STIP1: variants seen among roughly 807,000 people sequenced by gnomAD.
STIP1 encodes the protein stress induced phosphoprotein 1, also known as stress-induced-phosphoprotein 1.
STIP1 carries 16 observed loss-of-function variants against 77.4 expected under a neutral mutation model. The ratio of observed to expected loss-of-function variants is 0.21; its 90% CI spans 0.14 to 0.31. The LOEUF (loss-of-function observed/expected upper bound fraction) is 0.31, where lower values mean the gene tolerates loss of function less well. STIP1 is among the 10% of genes least tolerant of loss of function. STIP1 has a pLI of 1.00. For missense variants in STIP1, 524 were observed against 684.8 expected (o/e 0.77, Z 2.62); for synonymous variants, 258 against 246.6 (o/e 1.05, Z -0.44).
At chr11:64,202,369 A>G (rs7102415) in intron 10 of STIP1, 18,308 of 142,170 alleles carry the variant, frequency 0.13, 3,119 homozygotes, top group African/African-American at 0.39. Flanking sequence ...AGTAGCTGGG[A>G]TTATTACAGG....
chr11:64,197,185 C>A (rs2236648), intron 5 of STIP1, 86 bp from the exon 6 acceptor site: 1 of 1,559,284 alleles, frequency 6.4e-7, no homozygotes, highest in Non-Finnish European at 8.7e-7. Flanking sequence ...ATGTTAGTTG[C>A]ATTTCAGAAC....
At chr11:64,192,931 TTAAA>T (rs1946108726) in intron 1 of STIP1, 143 bp from the exon 2 acceptor site, 11 of 799,996 alleles carry the variant, frequency 1.4e-5, no homozygotes, top group Admixed American at 1.1e-4. Flanking sequence ...GTGTGAGAAA[TTAAA>T]TAAATGAACC....
At chr11:64,202,762 C>T in intron 10 of STIP1, 114 bp from the exon 11 acceptor site, 1 of 1,147,708 alleles carries the variant, frequency 8.7e-7, no homozygotes, top group Non-Finnish European at 1.3e-6. Context: ...TGATGTTGTC[C>T]CCTCTGTTTG....
Position 64,199,931 on chromosome 11 carries a change from GT to G in STIP1, c.1024-5del. Reference sequence around the variant, plus strand: ...TTTAAATTATTATTTCAAGAATTATGTTTTGTAGGCAGAGAAAATCCTGAAG... The same window carrying G: ...TTTAAATTATTATTTCAAGAATTATGTTTGTAGGCAGAGAAAATCCTGAAG... On this transcript the variant is annotated splice_region_variant and splice_polypyrimidine_tract_variant and intron_variant, in intron 8 of 13. Transcript: ENST00000305218. 6.2e-7 allele frequency: 1 copy of G among 1,613,978 alleles called. No individual in the cohort carries two copies. Among genetic ancestry groups the G allele is most frequent in the South Asian group, 1.1e-5 (1 of 91,064 alleles).
chr11:64,196,395 CAAAAAAAAA>C (rs57497154), intron 5 of STIP1, among the ~76,000 whole-genome samples: 1 of 69,600 alleles, frequency 1.4e-5, no homozygotes, highest in Non-Finnish European at 2.6e-5. Flanking sequence ...GACTCCATCT[CAAAAAAAAA>C]AAAAAAAAAA....
In STIP1 at chr11:64,203,114, C is replaced by G; in HGVS notation, c.1283-11C>G. On this transcript the variant is annotated splice_polypyrimidine_tract_variant and intron_variant, in intron 11 of 13. Coordinates refer to ENST00000305218, the MANE Select transcript of STIP1 (RefSeq NM_006819.3). Reference sequence around the variant, plus strand: ...TGCGGTTGGATAACGCGCCACCTTTCCTGTTTGTAGTCAAGGGTTATACAC... The same window carrying G: ...TGCGGTTGGATAACGCGCCACCTTTGCTGTTTGTAGTCAAGGGTTATACAC... 1 of 1,614,146 alleles carries G rather than the reference C, an allele frequency of 6.2e-7. No homozygotes were observed. Among genetic ancestry groups the G allele is most frequent in the Non-Finnish European group, 8.5e-7 (1 of 1,180,004 alleles).
intron 13 of STIP1, 186 bp from the exon 14 acceptor site, chr11:64,203,868 G>A: frequency 1.3e-6 from 1 of 799,672 alleles, no homozygotes. Context: ...CTGTGTCGTG[G>A]GCTCAAGAGT....
chr11:64,185,643 C>T (rs1353461350), upstream of STIP1: 3 of 798,834 alleles, frequency 3.8e-6, no homozygotes, highest in Non-Finnish European at 5.7e-6. Context: ...GGGAAAGCAA[C>T]CCAGAGGCCC....
At chr11:64,198,607 A>G (rs1946177243) in intron 8 of STIP1, among the ~76,000 whole-genome samples, 1 of 152,022 alleles carries the variant, frequency 6.6e-6, no homozygotes, top group Non-Finnish European at 1.5e-5. Flanking sequence ...TCAGCCTCCC[A>G]AAGTGCTGGA....
At position 64,194,579 on chromosome 11, in the gene STIP1, G is replaced by C. The variant is rs1440819185; in HGVS notation, c.462G>C (p.Glu154Asp). 1.2e-6 allele frequency: 2 copies of C among 1,614,208 alleles called. No individual in the cohort carries two copies. The highest frequency in any genetic ancestry group is 3.3e-5 in the Admixed American group (2 of 60,028). ...RTLLSDPTYR[E>D]LIEQLRNKPS... Reference sequence around the variant, plus strand: ...TACTCAGTGATCCTACCTACCGGGAGCTGATAGAGCAGCTACGAAACAAGC... The same window carrying C: ...TACTCAGTGATCCTACCTACCGGGACCTGATAGAGCAGCTACGAAACAAGC... The change falls in exon 4 of 14, where the codon GAG (glutamate) becomes GAC (aspartate). Residue 154 changes from glutamate (E) to aspartate (D), a missense_variant. Coordinates refer to ENST00000305218, the MANE Select transcript of STIP1 (RefSeq NM_006819.3).
At chr11:64,187,082 G>T (rs1402726334) in intron 1 of STIP1, among the ~76,000 whole-genome samples, 1 of 152,134 alleles carries the variant, frequency 6.6e-6, no homozygotes, top group East Asian at 1.9e-4. Context: ...GGGGGTGGTT[G>T]TAGACAATTT....
intron 1 of STIP1, among the ~76,000 whole-genome samples, chr11:64,188,745 T>C (rs1165356870): frequency 6.6e-6 from 1 of 152,208 alleles, no homozygotes; most frequent in African/African-American, 2.4e-5. Flanking sequence ...GGTAGGTAGA[T>C]GGTGAATGAA....
intron 1 of STIP1, among the ~76,000 whole-genome samples, chr11:64,190,383 A>G (rs1451268892): frequency 3.3e-5 from 5 of 151,862 alleles, no homozygotes; most frequent in Non-Finnish European, 2.9e-5. Context: ...CTCCATGTTG[A>G]GGCTGGTCTC....
rs1565284831 is a variant in STIP1 at position 64,204,048 on chromosome 11, C to T, written c.1560-6C>T. On this transcript the variant is annotated splice_region_variant and splice_polypyrimidine_tract_variant and intron_variant, in intron 13 of 13. Transcript: ENST00000305218. ...TCATTTCAAGTAACTGCGTCTTCCT[C>T]TGTAGACACTTAAAGAATCCTGTAA... The T allele has an allele frequency of 1.9e-6, 3 of 1,614,124 alleles. No homozygotes were observed. Among genetic ancestry groups the T allele is most frequent in the East Asian group, 2.2e-5 (1 of 44,880 alleles).
At chr11:64,188,659 A>G (rs767990404) in intron 1 of STIP1, among the ~76,000 whole-genome samples, 3 of 152,206 alleles carry the variant, frequency 2.0e-5, no homozygotes, top group Non-Finnish European at 4.4e-5. Flanking sequence ...CTAGGATTAC[A>G]GGCGTGAGTC....
At chr11:64,197,186 A>G (rs1946160253) in intron 5 of STIP1, 85 bp from the exon 6 acceptor site, 8 of 1,570,150 alleles carry the variant, frequency 5.1e-6, no homozygotes, top group African/African-American at 4.1e-5. Context: ...TGTTAGTTGC[A>G]TTTCAGAACT....
intron 5 of STIP1, 112 bp from the exon 6 acceptor site, chr11:64,197,159 T>G (rs1685799980): frequency 7.0e-7 from 1 of 1,434,616 alleles, no homozygotes; most frequent in Admixed American, 2.2e-5. Context: ...CAGGAGAACT[T>G]GATAGAATTC....
rs377220575 is a variant in STIP1 at position 64,186,253 on chromosome 11, C to T, written c.-9C>T. 8 of 1,462,200 alleles carry T rather than the reference C, an allele frequency of 5.5e-6. No individual in the cohort carries two copies. In the African/African-American group the frequency reaches 7.2e-5, roughly 13 times the overall value. 90.6% of individuals were successfully genotyped at this position (1,462,200 alleles called of 1,614,324 possible). On this transcript the variant is annotated 5_prime_UTR_variant, in exon 1 of 14. Coordinates refer to ENST00000305218, the MANE Select transcript of STIP1 (RefSeq NM_006819.3). ...TTCGATTCAACGGGGTTCCGGACCG[C>T]GCTGCGCTATGGAGCAGGTGAAGGG...
intron 2 of STIP1, 115 bp from the exon 3 acceptor site, chr11:64,194,074 C>G (rs1245423494): frequency 5.6e-6 from 8 of 1,418,070 alleles, no homozygotes; most frequent in Middle Eastern, 2.6e-4. Flanking sequence ...TCTCTTTGGC[C>G]TTCATGTGAA....
Sources: gnomAD v4.1 joint callset for allele counts (sites outside exome capture counted in the v4.1 genomes callset) on GRCh38, gnomAD v4.1.1 for gene constraint, MANE v1.5 for transcripts, NCBI Gene and HGNC (gene_info 2026-07-23, HGNC 2026-07-21) for gene names.